The following CASKIN2 variants were observed in gnomAD, a reference collection of about 807,000 sequenced individuals.
CASKIN2 encodes caskin-2.
CASKIN2 carries 41 observed loss-of-function variants against 107.1 expected under a neutral mutation model. The ratio of observed to expected loss-of-function variants is 0.38; its 90% confidence interval spans 0.30 to 0.50. CASKIN2 has a LOEUF of 0.50. CASKIN2 is among the 20% of genes least tolerant of loss of function. CASKIN2 has a pLI of 0.92. For synonymous variants in CASKIN2, 724 were observed against 705.6 expected, an observed-to-expected ratio of 1.03 and a Z score of -0.41; for missense variants, 1,546 against 1,657.4, an observed-to-expected ratio of 0.93 and a Z score of 1.17.
intron 2 of CASKIN2, among the ~76,000 whole-genome samples, chr17:75,510,122 CG>C (rs1388808409): frequency 2.6e-5 from 4 of 152,152 alleles, no homozygotes; most frequent in African/African-American, 9.7e-5. Flanking sequence ...TTTAGGCTCC[CG>C]GGCAGAGGAT....
At position 75,505,203 on chromosome 17, in the gene CASKIN2, A is replaced by G. The variant is rs984245699; in HGVS notation, c.931-130T>C. On this transcript the variant is annotated intron_variant, in intron 10 of 19. Coordinates refer to ENST00000321617, the MANE Select transcript of CASKIN2 (RefSeq NM_020753.5). The surrounding 1 kb of genome is among the most constrained non-coding windows in gnomAD (Gnocchi z 5.1). The stretch of plus-strand genomic sequence containing the variant: ...CCTACCCCTAAGGAGCTGGCCTCTG[A>G]TGCCCACACTGGCCCAAGTTCCGCC... The G allele has an allele frequency of 2.8e-5, 29 of 1,051,426 alleles. No individual in the cohort carries two copies. Among genetic ancestry groups the G allele is most frequent in the Non-Finnish European group, 3.7e-5 (26 of 710,374 alleles). 65.1% of individuals were successfully genotyped at this position (1,051,426 alleles called of 1,614,324 possible).
rs748324444 is a variant in CASKIN2, at chr17:75,502,970, C to G, written c.2104G>C (p.Gly702Arg). The G allele has an allele frequency of 6.3e-7, 1 of 1,599,262 alleles. No individual in the cohort carries two copies. Among genetic ancestry groups the G allele is most frequent in the Non-Finnish European group, 8.5e-7 (1 of 1,172,708 alleles). The change falls in exon 18 of 20, where the codon GGG (glycine) becomes CGG (arginine). Residue 702 changes from glycine (G) to arginine (R), a missense_variant. This residue lies in a region of CASKIN2 where 1,311 missense variants were observed against 1,311.0 expected (regional missense o/e 1.00). Transcript: ENST00000321617. The surrounding 1 kb of genome is among the most constrained non-coding windows in gnomAD (Gnocchi z 4.3). Reference sequence around the variant, plus strand: ...TGGCCAGACCCCCGTGAGCGTGCCCCGATGCTCTCCTGGCTGGGAGAGCGG... The same window carrying G: ...TGGCCAGACCCCCGTGAGCGTGCCCGGATGCTCTCCTGGCTGGGAGAGCGG... ...PARSPSQESI[G>R]ARSRGSGHSQ...
chr17:75,513,723 C>T lies in CASKIN2; in HGVS notation c.82G>A (p.Ala28Thr). ...GVQKLVAKVKATKTKLLGSTK... is the reference protein window; with the variant it reads ...GVQKLVAKVKTTKTKLLGSTK... ...ACCCGGTACTCACTTGTCTTTGTGG[C>T]CTTGACCTTCGCCACCAGTTTCTGC... The change falls in exon 2 of 20, where the codon GCC (alanine) becomes ACC (threonine). Residue 28 changes from alanine to threonine, a missense_variant. Coordinates refer to ENST00000321617, the MANE Select transcript of CASKIN2 (RefSeq NM_020753.5). The T allele has an allele frequency of 6.2e-7, 1 of 1,613,742 alleles. No individual in the cohort carries two copies. Among genetic ancestry groups the T allele is most frequent in the East Asian group, 2.2e-5 (1 of 44,880 alleles).
rs1309344152 is a variant in CASKIN2, at chr17:75,507,082, C to G, written c.292G>C (p.Val98Leu). 6.2e-7 allele frequency: 1 copy of G among 1,611,422 alleles called. No individual in the cohort carries two copies. The highest frequency in any genetic ancestry group is 8.5e-7 in the Non-Finnish European group (1 of 1,179,524). The change falls in exon 5 of 20, where the codon GTG (valine) becomes CTG (leucine). Residue 98 changes from valine to leucine, a missense_variant. By Grantham distance (32) the Val-to-Leu change is conservative. Coordinates refer to ENST00000321617, the MANE Select transcript of CASKIN2 (RefSeq NM_020753.5). ...YAAWQGRLEP[V>L]RLLLRASAAV... is the part of the protein sequence containing the mutation. Reference sequence around the variant, plus strand: ...GCAGAGGCGCGCAGCAGCAGCCTCACAGGCTCCAGCCGGCCCTGCCAGGCT... The same window carrying G: ...GCAGAGGCGCGCAGCAGCAGCCTCAGAGGCTCCAGCCGGCCCTGCCAGGCT...
chr17:75,504,098 C>T lies in CASKIN2; in HGVS notation c.1467+117G>A, dbSNP rs954330605. Reference sequence around the variant, plus strand: ...TGCCTCTACCCTGCCCTACCCACCCCGAGGCCCACAGTGCACCCCGTGGAG... The same window carrying T: ...TGCCTCTACCCTGCCCTACCCACCCTGAGGCCCACAGTGCACCCCGTGGAG... On this transcript the variant is annotated intron_variant, in intron 14 of 19. Coordinates refer to ENST00000321617, the MANE Select transcript of CASKIN2 (RefSeq NM_020753.5). The T allele has an allele frequency of 5.4e-5, 61 of 1,136,590 alleles. No homozygotes were observed. In the African/African-American group the frequency reaches 8.1e-4, roughly 15 times the overall value. The allele number at this position is 1,136,590 out of a possible 1,614,324, so 70.4% of individuals were successfully genotyped here.
rs975800908 is a variant in CASKIN2 at position 75,505,416 on chromosome 17, C to T, written c.930+141G>A. Reference sequence around the variant, plus strand: ...CTGTAAAGAAGAAATGCTAACAGCACTGCCTTCCCTGGCTTTAAGAAGAAT... The same window carrying T: ...CTGTAAAGAAGAAATGCTAACAGCATTGCCTTCCCTGGCTTTAAGAAGAAT... On this transcript the variant is annotated intron_variant, in intron 10 of 19. Coordinates refer to ENST00000321617, the MANE Select transcript of CASKIN2 (RefSeq NM_020753.5). This position sits in a 1 kb window ranked among gnomAD's most constrained non-coding sequence, Gnocchi z 5.1. 1.3e-6 allele frequency: 1 copy of T among 767,688 alleles called. No individual in the cohort carries two copies. Among genetic ancestry groups the T allele is most frequent in the Non-Finnish European group, 2.2e-6 (1 of 451,452 alleles). The allele number at this position is 767,688 out of a possible 1,614,324, so 47.6% of individuals were successfully genotyped here.
chr17:75,501,224 G>A (rs2053176977), intron 19 of CASKIN2, 54 bp from the exon 20 acceptor site: 1 of 1,476,244 alleles, frequency 6.8e-7, no homozygotes, highest in East Asian at 2.5e-5. Flanking sequence ...CACCCCACTG[G>A]CCCTGGGGCA....
Position 75,513,858 on chromosome 17 carries a change from C to T in CASKIN2, c.-54G>A, listed in dbSNP as rs772246738. ...AGGAGTCCAGGGCAAAGGCAGGCAA[C>T]GGGTCCAAGCTGGGGCGTCAGGGCG... On this transcript the variant is annotated 5_prime_UTR_variant, in exon 2 of 20. Coordinates refer to ENST00000321617, the MANE Select transcript of CASKIN2 (RefSeq NM_020753.5). The T allele has an allele frequency of 1.9e-5, 30 of 1,544,066 alleles. No individual in the cohort carries two copies. The highest frequency in any genetic ancestry group is 6.7e-5 in the East Asian group (3 of 44,458).
chr17:75,514,614 G>A (rs1457049504), intron 1 of CASKIN2, among the ~76,000 whole-genome samples: 1 of 152,180 alleles, frequency 6.6e-6, no homozygotes, highest in Non-Finnish European at 1.5e-5. Flanking sequence ...ACAGGCAGGC[G>A]GGCAGGGGTC....
intron 1 of CASKIN2, among the ~76,000 whole-genome samples, 168 bp from the exon 2 acceptor site, chr17:75,514,376 T>A (rs969024821): frequency 4.0e-5 from 6 of 151,238 alleles, no homozygotes; most frequent in Non-Finnish European, 8.8e-5. Context: ...GGGAGGAAGC[T>A]GCTATGCATG....
chr17:75,508,132 G>C lies in CASKIN2; in HGVS notation c.146+102C>G, dbSNP rs968265374. The C allele has an allele frequency of 4.6e-6, 6 of 1,310,344 alleles. No individual in the cohort carries two copies. In the Admixed American group the frequency reaches 9.4e-5, roughly 21 times the overall value. 81.2% of individuals were successfully genotyped at this position (1,310,344 alleles called of 1,614,324 possible). A position where few individuals can be genotyped will look rare whatever the true frequency, so the allele number is the denominator to read the frequency against. ...CACTTCCAGGGCCAAGTCTGAGAGG[G>C]AAAGGGACCCTGGGCCTCAGGATCT... On this transcript the variant is annotated intron_variant, in intron 3 of 19. Coordinates refer to ENST00000321617, the MANE Select transcript of CASKIN2 (RefSeq NM_020753.5).
chr17:75,507,562 C>T lies in CASKIN2; in HGVS notation c.244+22G>A, dbSNP rs188967015. ...GCCCCTACCTGCCCAGGGTGGGGGT[C>T]GGGGGCACATGGGGGTCTCACCATT... On this transcript the variant is annotated intron_variant, in intron 4 of 19. Transcript: ENST00000321617. 1,383 of 1,589,654 alleles carry T rather than the reference C, an allele frequency of 8.7e-4. 5 individuals carry two copies. The Middle Eastern group carries it at 0.027, about 31-fold the overall frequency.
At position 75,504,320 on chromosome 17, in the gene CASKIN2, GA is replaced by G; in HGVS notation, c.1376-15del. 1.2e-6 allele frequency: 2 copies of G among 1,604,090 alleles called. No homozygotes were observed. The highest frequency in any genetic ancestry group is 1.1e-5 in the South Asian group (1 of 89,644). On this transcript the variant is annotated splice_polypyrimidine_tract_variant and intron_variant, in intron 13 of 19. Coordinates refer to ENST00000321617, the MANE Select transcript of CASKIN2 (RefSeq NM_020753.5). ...GGCTCAGGTTGTCTTCAAGGAGAGA[GA>G]AAAATGGAATGGAAAGGTGGCAGGA...
At chr17:75,507,906 G>GGAGGC (rs2053282681) in intron 3 of CASKIN2, 3 of 581,570 alleles carry the variant, frequency 5.2e-6, no homozygotes, top group Non-Finnish European at 6.1e-6. Flanking sequence ...CTCCCAGCTG[G>GGAGGC]CCCAGGGGAG....
rs76790375 is a variant in CASKIN2, at chr17:75,505,434, A to G, written c.930+123T>C. ...AACAGCACTGCCTTCCCTGGCTTTA[A>G]GAAGAATTAAATGAGGGTGCATATA... On this transcript the variant is annotated intron_variant, in intron 10 of 19. Transcript: ENST00000321617. The surrounding 1 kb of genome is among the most constrained non-coding windows in gnomAD (Gnocchi z 5.1). 1,444 of 870,316 alleles carry G rather than the reference A, an allele frequency of 1.7e-3. 29 individuals are homozygous for G. In the East Asian group the frequency reaches 0.03, roughly 18 times the overall value. 53.9% of individuals were successfully genotyped at this position (870,316 alleles called of 1,614,324 possible). A position where few individuals can be genotyped will look rare whatever the true frequency, so the allele number is the denominator to read the frequency against.
chr17:75,508,048 G>A (rs905296038), intron 3 of CASKIN2, among the ~76,000 whole-genome samples, 186 bp downstream of exon 3: 1 of 152,118 alleles, frequency 6.6e-6, no homozygotes. Context: ...TAACTCCACG[G>A]GCGGGCGGGT....
rs139626946 is a variant in CASKIN2 at position 75,506,683 on chromosome 17, A to C, written c.517T>G (p.Cys173Gly). The C allele has an allele frequency of 3.7e-6, 6 of 1,613,306 alleles. No individual in the cohort carries two copies. The highest frequency in any genetic ancestry group is 2.2e-5 in the South Asian group (2 of 91,074). Residue 173 changes from cysteine to glycine, a missense_variant, in exon 7 of 20, where the codon TGT becomes GGT. This residue lies in a region of CASKIN2 where 31 missense variants were observed against 28.7 expected (regional missense o/e 1.08). Transcript: ENST00000321617. This position sits in a 1 kb window ranked among gnomAD's most constrained non-coding sequence, Gnocchi z 4.8. ...VAQLLLNSHL[C>G]VALLEGEAKD... ...GCCTCACCCTCCAGCAGTGCCACAC[A>C]TAAGTGGCTGTTCAGAAGCAGCTGG...
At position 75,506,668 on chromosome 17, in the gene CASKIN2, C is replaced by T. The variant is rs774698214; in HGVS notation, c.532G>A (p.Glu178Lys). ...TCACACGGGTCTTTGGCCTCACCCTCCAGCAGTGCCACACATAAGTGGCTG... is the reference window on the plus strand; with the variant it reads ...TCACACGGGTCTTTGGCCTCACCCTTCAGCAGTGCCACACATAAGTGGCTG... ...LNSHLCVALLEGEAKDPCDPN... is the reference protein window; with the variant it reads ...LNSHLCVALLKGEAKDPCDPN... Residue 178 changes from glutamate (E) to lysine (K), a missense_variant, in exon 7 of 20, where the codon GAG becomes AAG. Physicochemically the swap from Glu to Lys is moderately conservative, Grantham distance 56. Transcript: ENST00000321617. The surrounding 1 kb of genome is among the most constrained non-coding windows in gnomAD (Gnocchi z 4.8). The T allele has an allele frequency of 6.2e-7, 1 of 1,613,436 alleles. No homozygotes were observed. The highest frequency in any genetic ancestry group is 8.5e-7 in the Non-Finnish European group (1 of 1,179,986).
In CASKIN2 at chr17:75,503,507, C is replaced by A; in HGVS notation, c.1701G>T (p.Leu567=). 6.2e-7 allele frequency: 1 copy of A among 1,610,960 alleles called. No homozygotes were observed. Among genetic ancestry groups the A allele is most frequent in the Non-Finnish European group, 8.5e-7 (1 of 1,179,600 alleles). Residue 567 remains leucine, a synonymous_variant, in exon 17 of 20, where the codon CTG becomes CTT. Transcript: ENST00000321617. The part of the protein sequence containing the change: ...SYIPTDLLEW[L]CALGLPQYHK... ...GGTACTGTGGCAGCCCCAGTGCACA[C>A]AGCCACTCCAGCAGGTCCGTCTGGA...
Sources: gnomAD v4.1 joint callset for allele counts (sites outside exome capture counted in the v4.1 genomes callset) on GRCh38, gnomAD v4.1.1 for gene constraint, gnomAD v4.1.1 regional missense constraint, Gnocchi (gnomAD v3.1) non-coding constraint, MANE v1.5 for transcripts, NCBI Gene and HGNC (gene_info 2026-07-23, HGNC 2026-07-21) for gene names.